The following ANKRD29 variants were observed in gnomAD, a reference collection of about 807,000 sequenced individuals.
ANKRD29 encodes ankyrin repeat domain-containing protein 29.
A neutral mutation model predicts 38.0 loss-of-function variants in ANKRD29; 32 were observed. The ratio of observed to expected loss-of-function variants is 0.84; its 90% CI spans 0.64 to 1.13. The LOEUF (loss-of-function observed/expected upper bound fraction) is 1.13. Among genes scored for constraint, ANKRD29 ranks in the 50% most tolerant of loss-of-function variants. The pLI is 0.00. For missense variants in ANKRD29, 357 were observed against 377.9 expected (o/e 0.94, Z 0.46); for synonymous variants, 135 against 152.4 (o/e 0.89, Z 0.84).
intron 5 of ANKRD29, 38 bp from the exon 6 acceptor site, chr18:23,629,989 C>G (rs747795943): frequency 1.3e-6 from 2 of 1,549,602 alleles, no homozygotes; most frequent in Non-Finnish European, 1.8e-6. Flanking sequence ...AAAACATTAT[C>G]TTTCACACTT....
chr18:23,643,940 G>A (rs1222674333), intron 3 of ANKRD29, among the ~76,000 whole-genome samples: 4 of 152,230 alleles, frequency 2.6e-5, no homozygotes, highest in Non-Finnish European at 5.9e-5. Flanking sequence ...GGCACTCTTA[G>A]CTTCCAAAAC....
chr18:23,649,078 C>G lies in ANKRD29; in HGVS notation c.132+5G>C. The G allele has an allele frequency of 1.2e-6, 2 of 1,613,448 alleles. No homozygotes were observed. Among genetic ancestry groups the G allele is most frequent in the African/African-American group, 1.3e-5 (1 of 75,054 alleles). ...GCTGGGCATGCATCTACCGAACCAC[C>G]GTACGCTGTCTCTGCAGTCCACGTC... is the stretch of plus-strand genomic sequence containing the variant. On this transcript the variant is annotated splice_donor_5th_base_variant and intron_variant, in intron 2 of 9. Coordinates refer to ENST00000592179, the MANE Select transcript of ANKRD29 (RefSeq NM_173505.4).
At chr18:23,625,980 G>A (rs1047338544) in intron 6 of ANKRD29, among the ~76,000 whole-genome samples, 1 of 152,110 alleles carries the variant, frequency 6.6e-6, no homozygotes, top group Non-Finnish European at 1.5e-5. Context: ...CCAGCCATGG[G>A]GATCTTCTGG....
In ANKRD29 at chr18:23,627,755, A is replaced by G. The variant is rs77369789; in HGVS notation, c.528+2098T>C. 3.2e-3 allele frequency among the ~76,000 whole-genome samples: 480 copies of G among 152,344 alleles called. 7 individuals are homozygous for G. In the East Asian group the frequency reaches 0.058, roughly 18 times the overall value. The stretch of plus-strand genomic sequence containing the variant: ...CTAAATTCACAGTGGTATCTTCAAT[A>G]ATGGCCCCCAAATCAAACTTAGGCA... On this transcript the variant is annotated intron_variant, in intron 6 of 9. Coordinates refer to ENST00000592179, the MANE Select transcript of ANKRD29 (RefSeq NM_173505.4).
rs539518914 is a variant in ANKRD29 at position 23,633,438 on chromosome 18, C to G, written c.429+613G>C. 7.2e-5 allele frequency among the ~76,000 whole-genome samples: 11 copies of G among 152,214 alleles called. No homozygotes were observed. The South Asian group carries it at 2.1e-3, about 29-fold the overall frequency. On this transcript the variant is annotated intron_variant, in intron 5 of 9. Coordinates refer to ENST00000592179, the MANE Select transcript of ANKRD29 (RefSeq NM_173505.4). ...GTTTTCAGCAAGTCCATATGCTGGG[C>G]TTTGTAGTTTGTCATGGTACGAATA...
intron 6 of ANKRD29, among the ~76,000 whole-genome samples, chr18:23,621,818 G>A (rs1177448047): frequency 2.6e-5 from 4 of 151,932 alleles, no homozygotes; most frequent in East Asian, 3.9e-4. Context: ...GAGACTACAG[G>A]TGTGCACCAC....
chr18:23,611,117 G>A (rs1161000759), intron 9 of ANKRD29, among the ~76,000 whole-genome samples: 4 of 152,218 alleles, frequency 2.6e-5, no homozygotes, highest in African/African-American at 9.6e-5. Context: ...CCCACCCACC[G>A]CGAAGTTTGG....
chr18:23,632,337 C>G (rs1426341033), intron 5 of ANKRD29, among the ~76,000 whole-genome samples: 2 of 151,722 alleles, frequency 1.3e-5, no homozygotes, highest in East Asian at 3.9e-4. Flanking sequence ...TCTGCCCCGC[C>G]CATCCATATT....
At chr18:23,627,581 A>G (rs1312246413) in intron 6 of ANKRD29, among the ~76,000 whole-genome samples, 1 of 152,234 alleles carries the variant, frequency 6.6e-6, no homozygotes, top group Non-Finnish European at 1.5e-5. Flanking sequence ...GGCATGGCTC[A>G]TGCAACATTT....
chr18:23,602,723 C>T (rs2059529207), intron 9 of ANKRD29, among the ~76,000 whole-genome samples: 1 of 151,196 alleles, frequency 6.6e-6, no homozygotes, highest in Non-Finnish European at 1.5e-5. Flanking sequence ...AGTTGGAGAC[C>T]AGCCTGGGCA....
At chr18:23,661,923 C>T (rs894089474) in intron 1 of ANKRD29, among the ~76,000 whole-genome samples, 1 of 151,634 alleles carries the variant, frequency 6.6e-6, no homozygotes, top group Non-Finnish European at 1.5e-5. Flanking sequence ...ATTACAGTGG[C>T]TTAGGAGTCA....
rs141962068 is a variant in ANKRD29 at position 23,649,113 on chromosome 18, G to A, written c.102C>T (p.Ser34=). ...CTCTGCAGTCCACGTCCACCCGGCC[G>A]CTGTTCAACAGCAGCTTCAGCAGCG... ...NLALLKLLLN[S]GRVDVDCRDS... The change falls in exon 2 of 10, where the codon AGC becomes AGT. Residue 34 remains serine, a synonymous_variant. Coordinates refer to ENST00000592179, the MANE Select transcript of ANKRD29 (RefSeq NM_173505.4). 1.2e-4 allele frequency: 190 copies of A among 1,614,130 alleles called. 1 individual carries two copies. The highest frequency in any genetic ancestry group is 1.5e-4 in the Non-Finnish European group (174 of 1,180,000).
intron 5 of ANKRD29, 38 bp downstream of exon 5, chr18:23,634,013 A>T (rs1184739849): frequency 6.3e-7 from 1 of 1,597,378 alleles, no homozygotes; most frequent in South Asian, 1.1e-5. Context: ...TTTGTATGTG[A>T]TGAGAAATGT....
intron 9 of ANKRD29, among the ~76,000 whole-genome samples, chr18:23,607,475 G>A (rs1201830106): frequency 6.6e-6 from 1 of 152,170 alleles, no homozygotes; most frequent in African/African-American, 2.4e-5. Flanking sequence ...AAGGAGAAGG[G>A]AGCTTAAGAA....
At chr18:23,629,684 T>G (rs538387380) in intron 6 of ANKRD29, among the ~76,000 whole-genome samples, 169 bp downstream of exon 6, 1 of 152,334 alleles carries the variant, frequency 6.6e-6, no homozygotes, top group Non-Finnish European at 1.5e-5. Context: ...GCTCAGAGCA[T>G]AGAACAGGAG....
chr18:23,650,093 T>C (rs770764611), intron 1 of ANKRD29, among the ~76,000 whole-genome samples: 3 of 151,992 alleles, frequency 2.0e-5, no homozygotes, highest in Non-Finnish European at 4.4e-5. Flanking sequence ...ACAAGGAACT[T>C]AGGGCAAATA....
At chr18:23,616,576 CAG>C (rs1426463859) in intron 8 of ANKRD29, among the ~76,000 whole-genome samples, 1 of 129,476 alleles carries the variant, frequency 7.7e-6, no homozygotes, top group Non-Finnish European at 1.6e-5. Context: ...ACTATATATA[CAG>C]TATATATATA....
intron 1 of ANKRD29, among the ~76,000 whole-genome samples, chr18:23,650,766 A>G (rs111986457): frequency 0.017 from 2,633 of 152,282 alleles, 89 homozygotes; most frequent in African/African-American, 0.058. Context: ...TGTACCCAAC[A>G]CACCATAAAT....
intron 1 of ANKRD29, among the ~76,000 whole-genome samples, chr18:23,657,845 T>C (rs571872968): frequency 1.8e-4 from 28 of 152,194 alleles, no homozygotes; most frequent in Non-Finnish European, 3.5e-4. Context: ...CCCAAATTCA[T>C]ATGCTGAAGC....
Sources: gnomAD v4.1 joint callset for allele counts (sites outside exome capture counted in the v4.1 genomes callset) on GRCh38, gnomAD v4.1.1 for gene constraint, MANE v1.5 for transcripts, NCBI Gene and HGNC (gene_info 2026-07-23, HGNC 2026-07-21) for gene names.